WASL: variants seen among roughly 807,000 people sequenced by gnomAD.
WASL encodes the protein WASP like actin nucleation promoting factor.
Under a neutral mutation model 55.5 loss-of-function variants are expected in WASL, and 20 were observed. The ratio of observed to expected loss-of-function variants is 0.36; its 90% CI spans 0.25 to 0.52. WASL has a LOEUF of 0.52. Among genes scored for constraint, WASL ranks in the 20% least tolerant of loss-of-function variants. The pLI is 0.92. For synonymous variants in WASL, 249 were observed against 217.6 expected (o/e 1.14, Z -1.27); for missense variants, 504 against 622.5 (o/e 0.81, Z 2.03).
At chr7:123,721,481 A>C (rs1297227405) in intron 1 of WASL, among the ~76,000 whole-genome samples, 2 of 152,192 alleles carry the variant, frequency 1.3e-5, no homozygotes, top group Non-Finnish European at 2.9e-5. Flanking sequence ...AAAGTACAAC[A>C]TTTGAGACTC....
intron 1 of WASL, among the ~76,000 whole-genome samples, chr7:123,735,287 T>C (rs1023076952): frequency 6.0e-5 from 9 of 150,104 alleles, no homozygotes; most frequent in South Asian, 2.1e-4. Context: ...GGAAAAAAAA[T>C]AGCTTCTTAC....
At position 123,704,697 on chromosome 7, in the gene WASL, G is replaced by A. The variant is rs756994039; in HGVS notation, c.437-40C>T. 4.6e-6 allele frequency: 6 copies of A among 1,290,986 alleles called. No homozygotes were observed. The African/African-American group carries it at 7.7e-5, about 17-fold the overall frequency. 80.0% of individuals were successfully genotyped at this position (1,290,986 alleles called of 1,614,324 possible). A position where few individuals can be genotyped will look rare whatever the true frequency, so the allele number is the denominator to read the frequency against. Reference sequence around the variant, plus strand: ...ATTAGAAGAATATTATTAAATATATGTAAGACAACATCAACATAAAAAAAT... The same window carrying A: ...ATTAGAAGAATATTATTAAATATATATAAGACAACATCAACATAAAAAAAT... On this transcript the variant is annotated intron_variant, in intron 4 of 10. Transcript: ENST00000223023.
At position 123,709,560 on chromosome 7, in the gene WASL, G is replaced by A. The variant is rs528646214; in HGVS notation, c.118-337C>T. 5.3e-5 allele frequency among the ~76,000 whole-genome samples: 8 copies of A among 152,156 alleles called. No homozygotes were observed. In the East Asian group the frequency reaches 5.8e-4, roughly 11 times the overall value. On this transcript the variant is annotated intron_variant, in intron 1 of 10. Coordinates refer to ENST00000223023, the MANE Select transcript of WASL (RefSeq NM_003941.4). Reference sequence around the variant, plus strand: ...ACTTCATTTTTTACTTGAGAAACCCGACACTAAAGGGGTTAATTTGCCCAA... The same window carrying A: ...ACTTCATTTTTTACTTGAGAAACCCAACACTAAAGGGGTTAATTTGCCCAA...
At chr7:123,687,817 T>C (rs913250232) in intron 10 of WASL, among the ~76,000 whole-genome samples, 64 of 152,104 alleles carry the variant, frequency 4.2e-4, no homozygotes, top group Non-Finnish European at 1.2e-4. Context: ...ATCTCTGTAA[T>C]GGAGGGTAGG....
intron 9 of WASL, among the ~76,000 whole-genome samples, chr7:123,691,374 C>G (rs1038658747): frequency 6.6e-6 from 1 of 152,140 alleles, no homozygotes; most frequent in African/African-American, 2.4e-5. Flanking sequence ...TGGGCCAAAT[C>G]CAGCCTGTTC....
At chr7:123,703,906 T>C (rs1234552467) in intron 5 of WASL, among the ~76,000 whole-genome samples, 1 of 152,154 alleles carries the variant, frequency 6.6e-6, no homozygotes, top group Admixed American at 6.5e-5. Context: ...CTCATTTAAA[T>C]ACGATGAAAG....
At position 123,706,837 on chromosome 7, in the gene WASL, G is replaced by T; in HGVS notation, c.253-11C>A. The T allele has an allele frequency of 6.6e-7, 1 of 1,509,642 alleles. No individual in the cohort carries two copies. Among genetic ancestry groups the T allele is most frequent in the Non-Finnish European group, 8.9e-7 (1 of 1,124,016 alleles). The allele number at this position is 1,509,642 out of a possible 1,614,324, so 93.5% of individuals were successfully genotyped here. On this transcript the variant is annotated splice_polypyrimidine_tract_variant and intron_variant, in intron 2 of 10. Coordinates refer to ENST00000223023, the MANE Select transcript of WASL (RefSeq NM_003941.4). ...CAATAGTTTCCCATCCTAGAAAAAA[G>T]TTAAAAATTAAAATAAGAACTACCA...
intron 1 of WASL, among the ~76,000 whole-genome samples, chr7:123,734,108 C>A (rs946151999): frequency 6.6e-6 from 1 of 151,906 alleles, no homozygotes; most frequent in Non-Finnish European, 1.5e-5. Context: ...CATGATCAAT[C>A]CATGAAAGAA....
intron 1 of WASL, among the ~76,000 whole-genome samples, chr7:123,728,859 C>T (rs1227185638): frequency 6.6e-6 from 1 of 152,070 alleles, no homozygotes; most frequent in Non-Finnish European, 1.5e-5. Context: ...GAGACTCTGT[C>T]TCAAAAAACA....
At chr7:123,709,989 A>G (rs1803730662) in intron 1 of WASL, among the ~76,000 whole-genome samples, 1 of 152,196 alleles carries the variant, frequency 6.6e-6, no homozygotes, top group African/African-American at 2.4e-5. Context: ...CTAACTCGTT[A>G]CATGCAATGG....
Position 123,692,560 on chromosome 7 carries a change from TGGAGGC to T in WASL, c.1128_1133del (p.Pro382_Pro383del). 6.2e-7 allele frequency: 1 copy of T among 1,612,078 alleles called. No homozygotes were observed. Among genetic ancestry groups the T allele is most frequent in the Non-Finnish European group, 8.5e-7 (1 of 1,179,230 alleles). ...GCGGTGGCCCAGGAGGAGGTGGAGG[TGGAGGC>T]GGTGGGGGTGGTGCCACTGGCCCTA... On this transcript the variant is annotated inframe_deletion, in exon 9 of 11. Coordinates refer to ENST00000223023, the MANE Select transcript of WASL (RefSeq NM_003941.4).
chr7:123,720,969 C>A (rs535663420), intron 1 of WASL, among the ~76,000 whole-genome samples: 1 of 152,140 alleles, frequency 6.6e-6, no homozygotes, highest in East Asian at 1.9e-4. Flanking sequence ...AGTAACCTAG[C>A]AAGAATTTTG....
intron 1 of WASL, among the ~76,000 whole-genome samples, chr7:123,726,743 G>C (rs1313595231): frequency 6.6e-6 from 1 of 152,140 alleles, no homozygotes. Flanking sequence ...GCACGCACCT[G>C]TAATCCCAGC....
rs10215863 is a variant in WASL at position 123,685,783 on chromosome 7, T to A, written c.1457-1203A>T. ...ACTTCTATATTATACTGACTTTCCA[T>A]ATTTAACCTCTTCATATATCTATAT... On this transcript the variant is annotated intron_variant, in intron 10 of 10. Transcript: ENST00000223023. 8.2e-3 allele frequency among the ~76,000 whole-genome samples: 1,233 copies of A among 150,138 alleles called. 17 individuals carry two copies. Among genetic ancestry groups the A allele is most frequent in the African/African-American group, 0.028 (1,168 of 41,174 alleles).
At chr7:123,687,120 T>C (rs1342794619) in intron 10 of WASL, among the ~76,000 whole-genome samples, 2 of 152,176 alleles carry the variant, frequency 1.3e-5, no homozygotes, top group African/African-American at 4.8e-5. Context: ...TGGAGTCATT[T>C]TGCACTCTTC....
In WASL at chr7:123,681,954, T is replaced by C. The variant is rs1046276664; in HGVS notation, c.*2565A>G. ...AACACATTATTTTATTCTATTTGGG[T>C]CAAATTAATTTTATTATGCTCCATG... On this transcript the variant is annotated 3_prime_UTR_variant, in exon 11 of 11. Transcript: ENST00000223023. 2.6e-5 allele frequency: 4 copies of C among 152,250 alleles called. No homozygotes were observed. The highest frequency in any genetic ancestry group is 2.6e-4 in the Admixed American group (4 of 15,278). The allele number at this position is 152,250 out of a possible 1,614,324, so 9.4% of individuals were successfully genotyped here.
At chr7:123,724,809 T>A (rs1372993689) in intron 1 of WASL, among the ~76,000 whole-genome samples, 1 of 152,160 alleles carries the variant, frequency 6.6e-6, no homozygotes. Flanking sequence ...TCATAACTAA[T>A]CATAAACATT....
intron 1 of WASL, among the ~76,000 whole-genome samples, chr7:123,736,667 T>C (rs1252173632): frequency 6.6e-6 from 1 of 152,172 alleles, no homozygotes; most frequent in Non-Finnish European, 1.5e-5. Flanking sequence ...GGTATTATTT[T>C]GCACTTCAAA....
At position 123,682,245 on chromosome 7, in the gene WASL, T is replaced by C. The variant is rs1227873877; in HGVS notation, c.*2274A>G. 6.6e-6 allele frequency: 1 copy of C among 152,110 alleles called. No individual in the cohort carries two copies. The highest frequency in any genetic ancestry group is 1.5e-5 in the Non-Finnish European group (1 of 68,012). 9.4% of individuals were successfully genotyped at this position (152,110 alleles called of 1,614,324 possible). ...GCTTTCAGACAACGCACAGGTATAG[T>C]GCTGCTCACAGTGCAGGATGGTAGA... is the stretch of plus-strand genomic sequence containing the variant. On this transcript the variant is annotated 3_prime_UTR_variant, in exon 11 of 11. Transcript: ENST00000223023.
Sources: allele counts gnomAD v4.1 joint callset (sites outside exome capture counted in the v4.1 genomes callset), GRCh38; gene constraint gnomAD v4.1.1; transcripts MANE v1.5; gene names NCBI Gene and HGNC (gene_info 2026-07-23, HGNC 2026-07-21).